DCLK3: variants seen among roughly 807,000 people sequenced by gnomAD.
DCLK3 encodes the protein doublecortin like kinase 3.
Under a neutral mutation model 46.4 loss-of-function variants are expected in DCLK3, and 30 were observed. The observed-to-expected ratio is 0.65, with a 90% CI of 0.48 to 0.88. The LOEUF is 0.88. Among genes scored for constraint, DCLK3 ranks in the 40% least tolerant of loss-of-function variants. The probability of loss-of-function intolerance (pLI) is 0.00; values close to 1 mark genes in which losing one functional copy is unlikely to be tolerated. For missense variants in DCLK3, 846 were observed against 907.1 expected (o/e 0.93, Z 0.87); for synonymous variants, 401 against 339.2 (o/e 1.18, Z -2.00).
chr3:36,713,218 C>G lies in DCLK3; in HGVS notation c.*2110G>C, dbSNP rs1443703289. ...AGGATGCAACTACAGCTTTTAGCAA[C>G]TGGAAGAAGACTGAATCTATACAAG... On this transcript the variant is annotated 3_prime_UTR_variant, in exon 5 of 5. Coordinates refer to ENST00000636136, the MANE Select transcript of DCLK3 (RefSeq NM_001394672.2). 2.0e-5 allele frequency: 3 copies of G among 151,936 alleles called. No individual in the cohort carries two copies. The highest frequency in any genetic ancestry group is 2.4e-5 in the African/African-American group (1 of 41,338). The allele number at this position is 151,936 out of a possible 1,614,324, so 9.4% of individuals were successfully genotyped here.
At chr3:36,739,822 AAG>A (rs1225431727) in intron 1 of DCLK3, 1 of 152,242 alleles carries the variant, frequency 6.6e-6, no homozygotes, top group African/African-American at 2.4e-5. Context: ...CTGAGATAAA[AAG>A]GGCCAGTTTT....
intron 1 of DCLK3, among the ~76,000 whole-genome samples, chr3:36,746,634 G>A (rs943848976): frequency 4.6e-5 from 7 of 152,146 alleles, no homozygotes; most frequent in Non-Finnish European, 1.0e-4. Flanking sequence ...TCTTTCCAGA[G>A]ATCCCAGGAC....
Position 36,764,193 on chromosome 3 carries a change from C to A in DCLK3, c.71G>T (p.Arg24Leu). 3.0e-6 allele frequency: 1 copy of A among 328,446 alleles called. No homozygotes were observed. Among genetic ancestry groups the A allele is most frequent in the Non-Finnish European group, 5.5e-6 (1 of 180,644 alleles). 20.3% of individuals were successfully genotyped at this position (328,446 alleles called of 1,614,324 possible). A position where few individuals can be genotyped will look rare whatever the true frequency, so the allele number is the denominator to read the frequency against. Residue 24 changes from arginine (R) to leucine (L), a missense_variant, in exon 1 of 5, where the codon CGG becomes CTG. This residue lies in a region of DCLK3 where 553 missense variants were observed against 543.0 expected (regional missense o/e 1.02). Transcript: ENST00000636136. The surrounding 1 kb of genome is among the most constrained non-coding windows in gnomAD (Gnocchi z 4.9). ...CGCACGGTACTCACCCGGGGCAGGC[C>A]GCGCCGGGCAGGCTGGGGCTGGCCG... ...PARPAPACPA[R>L]PAPGQQGLCD...
At chr3:36,740,122 CTTTT>C (rs1179146362) in intron 1 of DCLK3, among the ~76,000 whole-genome samples, 2 of 99,706 alleles carry the variant, frequency 2.0e-5, no homozygotes, top group Non-Finnish European at 4.3e-5. Context: ...ATTTGCATTT[CTTTT>C]TTTTTTTTTT....
intron 2 of DCLK3, among the ~76,000 whole-genome samples, chr3:36,736,287 T>C (rs575474950): frequency 1.3e-5 from 2 of 152,304 alleles, no homozygotes; most frequent in Admixed American, 6.5e-5. Flanking sequence ...GGTATCTTAA[T>C]AATTCTTACA....
intron 1 of DCLK3, among the ~76,000 whole-genome samples, chr3:36,759,097 T>A (rs896224444): frequency 7.2e-5 from 11 of 152,238 alleles, no homozygotes; most frequent in African/African-American, 2.4e-4. Flanking sequence ...TGCACTATAA[T>A]AAAAATAATT....
intron 1 of DCLK3, among the ~76,000 whole-genome samples, chr3:36,747,238 C>A (rs183304103): frequency 6.6e-6 from 1 of 151,782 alleles, no homozygotes; most frequent in Non-Finnish European, 1.5e-5. Flanking sequence ...TGGGGTCCTG[C>A]AAAATAAATT....
chr3:36,748,801 G>T (rs1029044872), intron 1 of DCLK3, among the ~76,000 whole-genome samples: 1 of 152,020 alleles, frequency 6.6e-6, no homozygotes, highest in African/African-American at 2.4e-5. Flanking sequence ...TGTGCCTTTG[G>T]GCTTTTCTTT....
chr3:36,717,136 T>C (rs902367993), intron 4 of DCLK3, among the ~76,000 whole-genome samples: 1 of 152,214 alleles, frequency 6.6e-6, no homozygotes, highest in Non-Finnish European at 1.5e-5. Flanking sequence ...TATTTTTATT[T>C]TGAACCAGGG....
Position 36,713,141 on chromosome 3 carries a change from G to C in DCLK3, c.*2187C>G, listed in dbSNP as rs1359008465. 2.6e-5 allele frequency: 4 copies of C among 152,106 alleles called. No homozygotes were observed. Among genetic ancestry groups the C allele is most frequent in the African/African-American group, 4.8e-5 (2 of 41,416 alleles). 9.4% of individuals were successfully genotyped at this position (152,106 alleles called of 1,614,324 possible). On this transcript the variant is annotated 3_prime_UTR_variant, in exon 5 of 5. Coordinates refer to ENST00000636136, the MANE Select transcript of DCLK3 (RefSeq NM_001394672.2). ...CCATTTAATTTTAGCTATTCTAATG[G>C]GTGTATAGTGATATTTCATTGTGAT...
chr3:36,727,465 A>G (rs1701139635), intron 2 of DCLK3, among the ~76,000 whole-genome samples: 1 of 152,206 alleles, frequency 6.6e-6, no homozygotes, highest in Non-Finnish European at 1.5e-5. Flanking sequence ...CTCACACTTT[A>G]CTTTGAAAAT....
chr3:36,742,360 T>C (rs1701352243), intron 1 of DCLK3, among the ~76,000 whole-genome samples: 1 of 152,152 alleles, frequency 6.6e-6, no homozygotes, highest in African/African-American at 2.4e-5. Flanking sequence ...CCCTGATCCC[T>C]AGTGGTTAGG....
Position 36,738,807 on chromosome 3 carries a change from C to G in DCLK3, c.360G>C (p.Gln120His). Residue 120 changes from glutamine (Q) to histidine (H), a missense_variant, in exon 2 of 5, where the codon CAG becomes CAC. Physicochemically the swap from Gln to His is conservative, Grantham distance 24 (BLOSUM62 0). Transcript: ENST00000636136. ...ITLLLNRRSV[Q>H]TFEQLLADIS... ...TGTCAGCTAAGAGCTGCTCGAACGT[C>G]TGCACTGATCGCCTGTTGAGGAGCA... 1 of 1,008,800 alleles carries G rather than the reference C, an allele frequency of 9.9e-7. No homozygotes were observed. Among genetic ancestry groups the G allele is most frequent in the South Asian group, 4.0e-5 (1 of 25,184 alleles). 62.5% of individuals were successfully genotyped at this position (1,008,800 alleles called of 1,614,324 possible).
chr3:36,763,740 AT>A (rs1356460442), intron 1 of DCLK3, among the ~76,000 whole-genome samples: 1 of 152,174 alleles, frequency 6.6e-6, no homozygotes, highest in Non-Finnish European at 1.5e-5. Flanking sequence ...TTCTTTACAG[AT>A]TTGTGGAGAG....
At chr3:36,724,900 G>A (rs1406039007) in intron 2 of DCLK3, among the ~76,000 whole-genome samples, 2 of 152,056 alleles carry the variant, frequency 1.3e-5, no homozygotes, top group African/African-American at 4.8e-5. Context: ...GGAGGGGTGG[G>A]GGATTAAGAA....
rs551880437 is a variant in DCLK3 at position 36,754,814 on chromosome 3, C to A, written c.82+9368G>T. On this transcript the variant is annotated intron_variant, in intron 1 of 4. Coordinates refer to ENST00000636136, the MANE Select transcript of DCLK3 (RefSeq NM_001394672.2). ...AACTTATTTCAATTCTAGGACATAC[C>A]TATGTGTTTGTTCTGAGCCACCTGG... Among the ~76,000 whole-genome samples, 7 of 152,274 alleles carry A rather than the reference C, an allele frequency of 4.6e-5. 1 individual carries two copies. In the South Asian group the frequency reaches 1.5e-3, roughly 32 times the overall value.
rs1293077741 is a variant in DCLK3, at chr3:36,764,280, C to G, written c.-17G>C. The stretch of plus-strand genomic sequence containing the variant: ...GGCGGGCATGGCGCGGCGGCGGGCT[C>G]GGGGAGAGCCTGGAGCAGAGGTGGC... On this transcript the variant is annotated 5_prime_UTR_variant, in exon 1 of 5. Coordinates refer to ENST00000636136, the MANE Select transcript of DCLK3 (RefSeq NM_001394672.2). The surrounding 1 kb of genome is among the most constrained non-coding windows in gnomAD (Gnocchi z 4.9). 1 of 233,322 alleles carries G rather than the reference C, an allele frequency of 4.3e-6. No homozygotes were observed. The highest frequency in any genetic ancestry group is 9.1e-5 in the East Asian group (1 of 10,934). 14.5% of individuals were successfully genotyped at this position (233,322 alleles called of 1,614,324 possible).
At chr3:36,723,764 C>T (rs1263602307) in intron 2 of DCLK3, among the ~76,000 whole-genome samples, 1 of 152,178 alleles carries the variant, frequency 6.6e-6, no homozygotes, top group Non-Finnish European at 1.5e-5. Context: ...TATGCAAACG[C>T]CTGGATGTCC....
At position 36,718,031 on chromosome 3, in the gene DCLK3, A is replaced by T; in HGVS notation, c.2239T>A (p.Tyr747Asn). The T allele has an allele frequency of 6.2e-7, 1 of 1,614,116 alleles. No individual in the cohort carries two copies. Among genetic ancestry groups the T allele is most frequent in the Non-Finnish European group, 8.5e-7 (1 of 1,179,996 alleles). ...QLGHFEFLPP[Y>N]WDNISDAAKD... ...TCACCATCAGAGATATTGTCCCAGTAAGGGGGGAGGAACTCAAAGTGGCCC... is the reference window on the plus strand; with the variant it reads ...TCACCATCAGAGATATTGTCCCAGTTAGGGGGGAGGAACTCAAAGTGGCCC... The change falls in exon 4 of 5, where the codon TAC becomes AAC. Residue 747 changes from tyrosine to asparagine, a missense_variant. Tyr to Asn is a moderately radical substitution (Grantham distance 143, BLOSUM62 -2). Coordinates refer to ENST00000636136, the MANE Select transcript of DCLK3 (RefSeq NM_001394672.2).
Sources: allele counts gnomAD v4.1 joint callset (sites outside exome capture counted in the v4.1 genomes callset), GRCh38; gene constraint gnomAD v4.1.1; regional missense constraint gnomAD v4.1.1; non-coding constraint Gnocchi (gnomAD v3.1); transcripts MANE v1.5; gene names NCBI Gene and HGNC (gene_info 2026-07-23, HGNC 2026-07-21).